PCK2: variants seen among roughly 807,000 people sequenced by gnomAD.
PCK2 encodes the protein phosphoenolpyruvate carboxykinase [GTP], mitochondrial.
In PCK2, 56 loss-of-function variants were observed where a neutral mutation model predicts 65.9. The observed-to-expected ratio is 0.85, with a 90% confidence interval of 0.69 to 1.06. PCK2 has a LOEUF of 1.06. PCK2 is among the 50% of genes least tolerant of loss of function. The probability of loss-of-function intolerance (pLI) is 0.00; values close to 1 mark genes in which losing one functional copy is unlikely to be tolerated. For missense variants in PCK2, 843 were observed against 863.1 expected (o/e 0.98, Z 0.29); for synonymous variants, 305 against 319.6 (o/e 0.95, Z 0.49).
At position 24,099,706 on chromosome 14, in the gene PCK2, G is replaced by A. The variant is rs2037077284; in HGVS notation, c.1001G>A (p.Arg334Lys). The change falls in exon 6 of 10, where the codon AGG becomes AAG. Residue 334 changes from arginine (R) to lysine (K), a missense_variant. Physicochemically the swap from Arg to Lys is conservative, Grantham distance 26 (BLOSUM62 2). Coordinates refer to ENST00000216780, the MANE Select transcript of PCK2 (RefSeq NM_004563.4). ...GTGGGGGATGATATTGCTTGGATGA[G>A]GTTTGACAGTGAAGGTGAGGGACTC... ...ECVGDDIAWM[R>K]FDSEGRLRAI... The A allele has an allele frequency of 1.2e-6, 2 of 1,613,924 alleles. No homozygotes were observed. The highest frequency in any genetic ancestry group is 2.2e-5 in the East Asian group (1 of 44,896).
At position 24,100,424 on chromosome 14, in the gene PCK2, T is replaced by A; in HGVS notation, c.1234+211T>A. 4 of 1,114,422 alleles carry A rather than the reference T, an allele frequency of 3.6e-6. No individual in the cohort carries two copies. The Middle Eastern group carries it at 8.3e-4, about 232-fold the overall frequency. 69.0% of individuals were successfully genotyped at this position (1,114,422 alleles called of 1,614,324 possible). A position where few individuals can be genotyped will look rare whatever the true frequency, so the allele number is the denominator to read the frequency against. Reference sequence around the variant, plus strand: ...TGTGATCTGGCTAAGTTGCTCAACTTCCCTAAGCTTTAGTTTCCACATCAG... The same window carrying A: ...TGTGATCTGGCTAAGTTGCTCAACTACCCTAAGCTTTAGTTTCCACATCAG... On this transcript the variant is annotated intron_variant, in intron 7 of 9. Transcript: ENST00000216780.
chr14:24,096,302 G>A (rs896548411), intron 1 of PCK2, among the ~76,000 whole-genome samples: 5 of 119,772 alleles, frequency 4.2e-5, no homozygotes, highest in African/African-American at 1.3e-4. Context: ...GCAGTGTCCC[G>A]ATCTCGGCTC....
intron 7 of PCK2, among the ~76,000 whole-genome samples, chr14:24,100,879 C>T (rs1388662054): frequency 2.0e-5 from 3 of 152,136 alleles, no homozygotes; most frequent in African/African-American, 7.2e-5. Flanking sequence ...CTGTCATTAC[C>T]CTGGGCGCCT....
chr14:24,098,191 CCT>C lies in PCK2; in HGVS notation c.276-8_276-7del, dbSNP rs2036980901. ...CTGGCCACCATCTTCCTGACAATCC[CCT>C]CTCCCCCAGCTGGCTGGCCCGCACA... On this transcript the variant is annotated splice_polypyrimidine_tract_variant and intron_variant, in intron 2 of 9. Transcript: ENST00000216780. 6.3e-7 allele frequency: 1 copy of C among 1,582,978 alleles called. No individual in the cohort carries two copies. Among genetic ancestry groups the C allele is most frequent in the Admixed American group, 1.8e-5 (1 of 57,048 alleles).
intron 5 of PCK2, 98 bp from the exon 6 acceptor site, chr14:24,099,460 T>C (rs959257365): frequency 5.1e-6 from 6 of 1,185,334 alleles, no homozygotes; most frequent in East Asian, 2.3e-5. Flanking sequence ...TTAATAAACA[T>C]TGGTCCTCCC....
Position 24,102,739 on chromosome 14 carries a change from AT to A in PCK2, c.1235-11del. 1.9e-6 allele frequency: 3 copies of A among 1,610,356 alleles called. No homozygotes were observed. On this transcript the variant is annotated splice_polypyrimidine_tract_variant and intron_variant, in intron 7 of 9. Coordinates refer to ENST00000216780, the MANE Select transcript of PCK2 (RefSeq NM_004563.4). ...TGACCTTGGAAATAATAGTGTTTGT[AT>A]TTCCTCTGCCAGGTGACAAGGAGCC...
At chr14:24,101,818 G>A (rs2037173645) in intron 7 of PCK2, among the ~76,000 whole-genome samples, 1 of 152,084 alleles carries the variant, frequency 6.6e-6, no homozygotes, top group South Asian at 2.1e-4. Flanking sequence ...CTACTCAGGA[G>A]GCAGGAAAAT....
Position 24,103,762 on chromosome 14 carries a change from G to A in PCK2, c.1721G>A (p.Gly574Glu), listed in dbSNP as rs374281244. The A allele has an allele frequency of 6.2e-7, 1 of 1,614,070 alleles. No individual in the cohort carries two copies. Among genetic ancestry groups the A allele is most frequent in the African/African-American group, 1.3e-5 (1 of 74,918 alleles). Residue 574 changes from glycine to glutamate, a missense_variant, in exon 10 of 10, where the codon GGG becomes GAG. Physicochemically the swap from Gly to Glu is moderately conservative, Grantham distance 98 (BLOSUM62 -2). Coordinates refer to ENST00000216780, the MANE Select transcript of PCK2 (RefSeq NM_004563.4). Reference protein sequence around the residue: ...GEDSARETPIGLVPKEGALDL... With the variant: ...GEDSARETPIELVPKEGALDL... The stretch of plus-strand genomic sequence containing the variant: ...GACAGTGCCCGAGAGACACCCATTG[G>A]GCTGGTGCCAAAGGAAGGAGCCTTG...
chr14:24,099,386 G>A, intron 5 of PCK2, 150 bp downstream of exon 5: 1 of 1,001,494 alleles, frequency 1.0e-6, no homozygotes, highest in Non-Finnish European at 1.4e-6. Context: ...GCCTCAGGCT[G>A]CTGAATGTTG....
At chr14:24,103,416 T>C (rs758340599) in intron 9 of PCK2, 94 bp from the exon 10 acceptor site, 2 of 1,254,216 alleles carry the variant, frequency 1.6e-6, no homozygotes, top group African/African-American at 3.0e-5. Context: ...TTCAGAACCA[T>C]AAGCCTTTCA....
chr14:24,103,480 G>A, intron 9 of PCK2, 30 bp from the exon 10 acceptor site: 1 of 1,525,408 alleles, frequency 6.6e-7, no homozygotes, highest in Admixed American at 2.1e-5. Flanking sequence ...TGAGAAGGAA[G>A]ATTCCTTACC....
intron 8 of PCK2, 73 bp downstream of exon 8, chr14:24,102,963 G>A (rs2037225627): frequency 1.4e-6 from 2 of 1,461,418 alleles, no homozygotes; most frequent in African/African-American, 2.8e-5. Context: ...CCCTCCCTCT[G>A]ATCCAGAGCC....
rs1318906602 is a variant in PCK2, at chr14:24,098,205, G to A, written c.278G>A (p.Trp93Ter). The stretch of plus-strand genomic sequence containing the variant: ...CCTGACAATCCCCTCTCCCCCAGCT[G>A]GCTGGCCCGCACAGACCCCAAGGAT... ...IRKLPKYNNCWLARTDPKDVA... is the reference protein window; with the variant it reads ...IRKLPKYNNC Residue 93 changes from tryptophan to a stop codon, truncating the protein, a stop_gained and splice_region_variant, in exon 3 of 10, where the codon TGG becomes TAG. Coordinates refer to ENST00000216780, the MANE Select transcript of PCK2 (RefSeq NM_004563.4). LOFTEE classifies it high-confidence loss of function. 1.9e-6 allele frequency: 3 copies of A among 1,594,416 alleles called. No individual in the cohort carries two copies. Among genetic ancestry groups the A allele is most frequent in the Admixed American group, 3.4e-5 (2 of 58,370 alleles).
chr14:24,098,537 G>A lies in PCK2; in HGVS notation c.523G>A (p.Gly175Arg), dbSNP rs200818867. The change falls in exon 4 of 10, where the codon GGG (glycine) becomes AGG (arginine). Residue 175 changes from glycine (G) to arginine (R), a missense_variant. Physicochemically the swap from Gly to Arg is moderately radical, Grantham distance 125 (BLOSUM62 -2). Coordinates refer to ENST00000216780, the MANE Select transcript of PCK2 (RefSeq NM_004563.4). ...GPVGSPLSRI[G>R]VQLTDSAYVV... ...TGTGGGCTCCCCGCTGTCCCGCATC[G>A]GGGTGCAGCTCACTGACTCAGCCTA... is the stretch of plus-strand genomic sequence containing the variant. The A allele has an allele frequency of 2.7e-5, 44 of 1,614,150 alleles. No individual in the cohort carries two copies. The highest frequency in any genetic ancestry group is 1.6e-4 in the Middle Eastern group (1 of 6,062).
chr14:24,099,939 C>T, intron 6 of PCK2, 56 bp from the exon 7 acceptor site: 1 of 1,613,818 alleles, frequency 6.2e-7, no homozygotes, highest in East Asian at 2.2e-5. Flanking sequence ...CTTCTTTGGT[C>T]TTACATCTCA....
At position 24,098,497 on chromosome 14, in the gene PCK2, A is replaced by G. The variant is rs770574824; in HGVS notation, c.483A>G (p.Pro161=). 3 of 1,614,096 alleles carry G rather than the reference A, an allele frequency of 1.9e-6. No homozygotes were observed. The highest frequency in any genetic ancestry group is 2.5e-6 in the Non-Finnish European group (3 of 1,179,982). The change falls in exon 4 of 10, where the codon CCA becomes CCG. Residue 161 remains proline (P), a synonymous_variant. Transcript: ENST00000216780. ...CMQGRTMYVL[P]FSMGPVGSPL... is the part of the protein sequence containing the mutation. ...CAGGCCGCACCATGTATGTGCTTCC[A>G]TTCAGCATGGGTCCTGTGGGCTCCC...
chr14:24,102,961 C>T lies in PCK2; in HGVS notation c.1372+71C>T. 8 of 1,469,210 alleles carry T rather than the reference C, an allele frequency of 5.4e-6. No homozygotes were observed. In the South Asian group the frequency reaches 8.2e-5, roughly 15 times the overall value. The allele number at this position is 1,469,210 out of a possible 1,614,324, so 91.0% of individuals were successfully genotyped here. A position where few individuals can be genotyped will look rare whatever the true frequency, so the allele number is the denominator to read the frequency against. ...TGTATTAGGGCCTACCTCCCTCCCTCTGATCCAGAGCCTCAGCCTGGATCT... is the reference window on the plus strand; with the variant it reads ...TGTATTAGGGCCTACCTCCCTCCCTTTGATCCAGAGCCTCAGCCTGGATCT... On this transcript the variant is annotated intron_variant, in intron 8 of 9. Coordinates refer to ENST00000216780, the MANE Select transcript of PCK2 (RefSeq NM_004563.4).
Position 24,094,870 on chromosome 14 carries a change from C to T in PCK2, c.29+436C>T, listed in dbSNP as rs1811164055. 3 of 1,289,044 alleles carry T rather than the reference C, an allele frequency of 2.3e-6. No individual in the cohort carries two copies. Among genetic ancestry groups the T allele is most frequent in the African/African-American group, 3.0e-5 (2 of 66,100 alleles). The allele number at this position is 1,289,044 out of a possible 1,614,324, so 79.9% of individuals were successfully genotyped here. A position where few individuals can be genotyped will look rare whatever the true frequency, so the allele number is the denominator to read the frequency against. ...GGTACGTGAGCCCCGGGAGACTAAG[C>T]TCAGAGCCCCCTAAAGAAGGTGGAA... On this transcript the variant is annotated intron_variant, in intron 1 of 9. Coordinates refer to ENST00000216780, the MANE Select transcript of PCK2 (RefSeq NM_004563.4). This position sits in a 1 kb window ranked among gnomAD's most constrained non-coding sequence, Gnocchi z 4.1.
In PCK2 at chr14:24,096,943, C is replaced by T. The variant is rs1436119100; in HGVS notation, c.81C>T (p.Ile27=). 1 of 1,613,532 alleles carries T rather than the reference C, an allele frequency of 6.2e-7. No individual in the cohort carries two copies. Among genetic ancestry groups the T allele is most frequent in the African/African-American group, 1.3e-5 (1 of 74,882 alleles). ...SPLGWPSCRS[I]QTLRVLSGDL... is the part of the protein sequence containing the mutation. The stretch of plus-strand genomic sequence containing the variant: ...TGGGCTGGCCATCATGCCGTAGCAT[C>T]CAGACCCTGCGAGTGCTTAGTGGAG... Residue 27 remains isoleucine, a synonymous_variant, in exon 2 of 10, where the codon ATC becomes ATT. Transcript: ENST00000216780.
Sources: allele counts gnomAD v4.1 joint callset (sites outside exome capture counted in the v4.1 genomes callset), GRCh38; gene constraint gnomAD v4.1.1; non-coding constraint Gnocchi (gnomAD v3.1); transcripts MANE v1.5; gene names NCBI Gene and HGNC (gene_info 2026-07-23, HGNC 2026-07-21).